ULK4: variants seen among roughly 807,000 people sequenced by gnomAD.
ULK4 encodes the protein unc-51 like kinase 4.
A neutral mutation model predicts 160.6 loss-of-function variants in ULK4; 133 were observed. The ratio of observed to expected loss-of-function variants is 0.83; its 90% CI spans 0.72 to 0.96. The LOEUF is 0.96. Ranked by LOEUF, ULK4 falls within the 40% of genes least tolerant of loss-of-function variation. ULK4 has a pLI of 0.00. For synonymous variants in ULK4, 534 were observed against 539.8 expected (o/e 0.99, Z 0.15); for missense variants, 1,580 against 1,499.5 (o/e 1.05, Z -0.89).
chr3:41,867,828 C>G (rs1696951244), intron 17 of ULK4, among the ~76,000 whole-genome samples: 1 of 152,160 alleles, frequency 6.6e-6, no homozygotes, highest in Non-Finnish European at 1.5e-5. Context: ...GTTGGGTTCC[C>G]CTTATTACTC....
chr3:41,473,795 C>T (rs1283780744), intron 32 of ULK4, among the ~76,000 whole-genome samples: 1 of 149,958 alleles, frequency 6.7e-6, no homozygotes, highest in African/African-American at 2.5e-5. Flanking sequence ...AATAACTGTA[C>T]CCTGAAAACT....
chr3:41,766,964 T>G lies in ULK4; in HGVS notation c.2194-12476A>C, dbSNP rs2039185640. The G allele has an allele frequency of 2.0e-5, 3 of 152,370 alleles. No homozygotes were observed. In the Middle Eastern group the frequency reaches 0.01, roughly 518 times the overall value. The allele number at this position is 152,370 out of a possible 1,614,324, so 9.4% of individuals were successfully genotyped here. A position where few individuals can be genotyped will look rare whatever the true frequency, so the allele number is the denominator to read the frequency against. ...CTGAAAGAGCTACTGGAAGTTTTTG[T>G]GTAGGTCCAAGCTAAGATGTAAACG... On this transcript the variant is annotated intron_variant, in intron 21 of 36. Transcript: ENST00000301831.
chr3:41,937,515 T>C (rs1699817312), intron 3 of ULK4, among the ~76,000 whole-genome samples: 1 of 152,220 alleles, frequency 6.6e-6, no homozygotes, highest in Non-Finnish European at 1.5e-5. Flanking sequence ...CTAACAGTAA[T>C]ACCTATTAAT....
intron 35 of ULK4, among the ~76,000 whole-genome samples, chr3:41,305,212 A>G (rs2079882366): frequency 6.6e-6 from 1 of 150,522 alleles, no homozygotes; most frequent in African/African-American, 2.4e-5. Context: ...CCCTCTCCCC[A>G]CGGTCTCCCT....
chr3:41,865,270 TTAAAAAAAAAAAAAAAAAAA>T (rs1300165456), intron 17 of ULK4, among the ~76,000 whole-genome samples: 2 of 65,636 alleles, frequency 3.0e-5, no homozygotes, highest in Non-Finnish European at 2.9e-5. Flanking sequence ...GACTCTGTCT[TTAAAAAAAAAAAAAAAAAAA>T]AAAAAAAAAA....
chr3:41,645,678 G>A (rs1043104546), intron 30 of ULK4, among the ~76,000 whole-genome samples: 2 of 152,078 alleles, frequency 1.3e-5, no homozygotes, highest in African/African-American at 2.4e-5. Context: ...GTTGATTTGG[G>A]GTGGAGAGTT....
intron 21 of ULK4, among the ~76,000 whole-genome samples, chr3:41,771,219 T>C (rs2039354934): frequency 6.6e-6 from 1 of 152,192 alleles, no homozygotes; most frequent in Non-Finnish European, 1.5e-5. Flanking sequence ...AATATTTCCA[T>C]TAAAATATGT....
At chr3:41,579,533 G>A (rs915026280) in intron 31 of ULK4, among the ~76,000 whole-genome samples, 13 of 124,274 alleles carry the variant, frequency 1.0e-4, no homozygotes, top group Non-Finnish European at 1.7e-4. Flanking sequence ...TCGCTCTGTC[G>A]CCCAGGCTGG....
intron 21 of ULK4, among the ~76,000 whole-genome samples, chr3:41,770,766 G>A (rs1008240940): frequency 2.6e-5 from 4 of 152,144 alleles, no homozygotes; most frequent in African/African-American, 9.7e-5. Flanking sequence ...ACCCACCTCA[G>A]CCTCCCAAAG....
At chr3:41,787,112 C>A (rs140069686) in intron 21 of ULK4, among the ~76,000 whole-genome samples, 1 of 152,146 alleles carries the variant, frequency 6.6e-6, no homozygotes, top group Non-Finnish European at 1.5e-5. Context: ...AAAAACCACA[C>A]CCCAACCCCA....
intron 30 of ULK4, among the ~76,000 whole-genome samples, chr3:41,635,260 A>C (rs544675904): frequency 1.4e-4 from 22 of 152,280 alleles, no homozygotes; most frequent in African/African-American, 5.3e-4. Flanking sequence ...AACCATTGAA[A>C]AGGCTATCTT....
intron 32 of ULK4, among the ~76,000 whole-genome samples, chr3:41,495,860 A>C: frequency 6.6e-6 from 1 of 152,088 alleles, no homozygotes; most frequent in Non-Finnish European, 1.5e-5. Flanking sequence ...AGAGAAATGC[A>C]AATCAAAACC....
At chr3:41,482,502 G>A (rs546564355) in intron 32 of ULK4, among the ~76,000 whole-genome samples, 18 of 152,244 alleles carry the variant, frequency 1.2e-4, no homozygotes, top group African/African-American at 3.6e-4. Context: ...GATGTACCTG[G>A]GACATAAAAA....
At chr3:41,486,120 C>T (rs1181200742) in intron 32 of ULK4, among the ~76,000 whole-genome samples, 1 of 152,094 alleles carries the variant, frequency 6.6e-6, no homozygotes, top group Non-Finnish European at 1.5e-5. Flanking sequence ...CACAATCAAG[C>T]ATGTGCACGT....
intron 34 of ULK4, among the ~76,000 whole-genome samples, chr3:41,420,147 C>T (rs2082627516): frequency 6.6e-6 from 1 of 151,812 alleles, no homozygotes; most frequent in Non-Finnish European, 1.5e-5. Context: ...AGAGGCCTTC[C>T]TGTTAAAAAT....
chr3:41,301,876 A>C (rs906386723), intron 35 of ULK4, among the ~76,000 whole-genome samples: 2 of 152,228 alleles, frequency 1.3e-5, no homozygotes, highest in East Asian at 1.9e-4. Context: ...TTAAGGTTGC[A>C]AAACAATCTT....
At chr3:41,619,859 G>C (rs1246154445) in intron 30 of ULK4, among the ~76,000 whole-genome samples, 1 of 152,084 alleles carries the variant, frequency 6.6e-6, no homozygotes, top group Non-Finnish European at 1.5e-5. Context: ...TAACAAAACA[G>C]ATGGAACACT....
intron 35 of ULK4, among the ~76,000 whole-genome samples, chr3:41,287,856 G>A (rs2079492101): frequency 6.6e-6 from 1 of 152,182 alleles, no homozygotes; most frequent in African/African-American, 2.4e-5. Context: ...CAAATGTTTA[G>A]CCCAATTAGT....
chr3:41,827,908 C>T (rs558260958), intron 18 of ULK4, among the ~76,000 whole-genome samples: 226 of 152,072 alleles, frequency 1.5e-3, no homozygotes, highest in Middle Eastern at 0.014. Flanking sequence ...CAATAAAATA[C>T]GGGCAAACCA....
Sources: allele counts gnomAD v4.1 joint callset (sites outside exome capture counted in the v4.1 genomes callset), GRCh38; gene constraint gnomAD v4.1.1; transcripts MANE v1.5; gene names NCBI Gene and HGNC (gene_info 2026-07-23, HGNC 2026-07-21).